LRRC4C: variants seen among roughly 807,000 people sequenced by gnomAD.
The protein encoded by LRRC4C is leucine-rich repeat-containing protein 4C.
In LRRC4C, 5 loss-of-function variants were observed where a neutral mutation model predicts 33.6. The observed-to-expected ratio is 0.15, with a 90% CI of 0.08 to 0.31. The LOEUF is 0.31. Among genes scored for constraint, LRRC4C ranks in the 10% least tolerant of loss-of-function variants. LRRC4C has a pLI of 1.00. For missense variants in LRRC4C, 560 were observed against 796.7 expected (o/e 0.70, Z 3.58); for synonymous variants, 329 against 302.0 (o/e 1.09, Z -0.93).
At position 40,851,072 on chromosome 11, in the gene LRRC4C, G is replaced by A. The variant is rs139693358; in HGVS notation, c.-407+82563C>T. Reference sequence around the variant, plus strand: ...ATCTTAGCTTGCTGAGCTCTGTGGCGGTACGATCCACTGAACAAGAACACT... The same window carrying A: ...ATCTTAGCTTGCTGAGCTCTGTGGCAGTACGATCCACTGAACAAGAACACT... On this transcript the variant is annotated intron_variant, in intron 2 of 6. Transcript: ENST00000528697. 7.2e-5 allele frequency among the ~76,000 whole-genome samples: 11 copies of A among 152,250 alleles called. No homozygotes were observed. The East Asian group carries it at 9.7e-4, about 13-fold the overall frequency.
intron 1 of LRRC4C, among the ~76,000 whole-genome samples, chr11:41,211,644 A>T (rs752084488): frequency 3.2e-4 from 48 of 152,146 alleles, no homozygotes; most frequent in Non-Finnish European, 5.3e-4. Flanking sequence ...CCGTGTCCCT[A>T]CAAAGGACAT....
At chr11:41,310,019 C>T (rs1399982484) in intron 1 of LRRC4C, among the ~76,000 whole-genome samples, 1 of 152,224 alleles carries the variant, frequency 6.6e-6, no homozygotes, top group African/African-American at 2.4e-5. Flanking sequence ...CTATACAGCA[C>T]CTGTCATCCC....
At chr11:40,580,223 G>A (rs1452106533) in intron 3 of LRRC4C, among the ~76,000 whole-genome samples, 1 of 152,100 alleles carries the variant, frequency 6.6e-6, no homozygotes, top group Non-Finnish European at 1.5e-5. Context: ...ACATGGCTGG[G>A]GAGGCCTCAG....
chr11:40,727,906 G>T (rs560522876), intron 2 of LRRC4C, among the ~76,000 whole-genome samples: 13 of 152,066 alleles, frequency 8.5e-5, no homozygotes, highest in Admixed American at 8.5e-4. Context: ...ACAATGAGCC[G>T]AGTGTGATAA....
rs549741387 is a variant in LRRC4C at position 41,129,633 on chromosome 11, T to A, written c.-495-195910A>T. On this transcript the variant is annotated intron_variant, in intron 1 of 6. Coordinates refer to ENST00000528697, the MANE Select transcript of LRRC4C (RefSeq NM_001258419.2). ...TTTTTCCTAAGACCTCTGCCATTAATAAAATCACCTTTTCAAATTCTAATT... is the reference window on the plus strand; with the variant it reads ...TTTTTCCTAAGACCTCTGCCATTAAAAAAATCACCTTTTCAAATTCTAATT... Among the ~76,000 whole-genome samples, 5 of 152,086 alleles carry A rather than the reference T, an allele frequency of 3.3e-5. No individual in the cohort carries two copies. The East Asian group carries it at 9.7e-4, about 29-fold the overall frequency.
At chr11:41,381,730 A>T in intron 1 of LRRC4C, among the ~76,000 whole-genome samples, 1 of 151,976 alleles carries the variant, frequency 6.6e-6, no homozygotes, top group African/African-American at 2.4e-5. Context: ...TTTGGAAATA[A>T]GAAAAACTGA....
At chr11:41,408,589 T>C (rs1194517118) in intron 1 of LRRC4C, among the ~76,000 whole-genome samples, 1 of 152,130 alleles carries the variant, frequency 6.6e-6, no homozygotes, top group African/African-American at 2.4e-5. Context: ...CCCTCTTTCA[T>C]AGGACACAGC....
intron 1 of LRRC4C, among the ~76,000 whole-genome samples, chr11:41,138,884 C>T (rs2135892778): frequency 6.6e-6 from 1 of 152,194 alleles, no homozygotes; most frequent in Non-Finnish European, 1.5e-5. Context: ...ATTAAACTTT[C>T]TTTAAAATTA....
At chr11:40,409,705 T>G (rs992875606) in intron 3 of LRRC4C, among the ~76,000 whole-genome samples, 1 of 151,932 alleles carries the variant, frequency 6.6e-6, no homozygotes, top group African/African-American at 2.4e-5. Flanking sequence ...TCTATTGGAA[T>G]GGCCAACATA....
chr11:41,441,178 G>A (rs1394514222), intron 1 of LRRC4C, among the ~76,000 whole-genome samples: 1 of 152,168 alleles, frequency 6.6e-6, no homozygotes, highest in Non-Finnish European at 1.5e-5. Flanking sequence ...GACTATAACT[G>A]AATATGCTAA....
intron 3 of LRRC4C, among the ~76,000 whole-genome samples, chr11:40,583,860 G>T (rs750233752): frequency 5.3e-5 from 8 of 151,580 alleles, no homozygotes; most frequent in South Asian, 4.2e-4. Context: ...CAAGCAGGAC[G>T]CATAAAGAGA....
chr11:41,430,988 C>T (rs1232407439), intron 1 of LRRC4C, among the ~76,000 whole-genome samples: 1 of 152,006 alleles, frequency 6.6e-6, no homozygotes, highest in African/African-American at 2.4e-5. Flanking sequence ...CTCAACTAAT[C>T]AGAGTGTGTA....
intron 2 of LRRC4C, among the ~76,000 whole-genome samples, chr11:40,777,460 T>C (rs1287390749): frequency 6.6e-6 from 1 of 151,426 alleles, no homozygotes; most frequent in Non-Finnish European, 1.5e-5. Flanking sequence ...AATTAAAACA[T>C]TTATCATTAT....
chr11:41,368,890 G>C (rs1393014273), intron 1 of LRRC4C, among the ~76,000 whole-genome samples: 1 of 152,148 alleles, frequency 6.6e-6, no homozygotes, highest in Non-Finnish European at 1.5e-5. Flanking sequence ...CCCATTTGTA[G>C]ACAGACATGT....
Position 40,711,654 on chromosome 11 carries a change from A to T in LRRC4C, c.-406-63376T>A, listed in dbSNP as rs540929983. Among the ~76,000 whole-genome samples the T allele has an allele frequency of 3.3e-3, 507 of 152,002 alleles. 1 individual carries two copies. Among genetic ancestry groups the T allele is most frequent in the Non-Finnish European group, 5.5e-3 (375 of 67,930 alleles). On this transcript the variant is annotated intron_variant, in intron 2 of 6. Coordinates refer to ENST00000528697, the MANE Select transcript of LRRC4C (RefSeq NM_001258419.2). ...CTAGTTTGCTTGATAGTAGATAGAC[A>T]TGACCTGAATAAAGAACCAGAGAAA...
intron 3 of LRRC4C, among the ~76,000 whole-genome samples, chr11:40,410,171 A>C (rs2137630384): frequency 6.6e-6 from 1 of 152,178 alleles, no homozygotes; most frequent in Admixed American, 6.6e-5. Context: ...TTAGTCTAGA[A>C]ACATGTTGTA....
At chr11:40,791,075 GT>G (rs1332325872) in intron 2 of LRRC4C, among the ~76,000 whole-genome samples, 1 of 152,060 alleles carries the variant, frequency 6.6e-6, no homozygotes, top group African/African-American at 2.4e-5. Flanking sequence ...GAGCTGTTTT[GT>G]TTTTTGTGTT....
At chr11:41,190,238 G>A (rs919564997) in intron 1 of LRRC4C, among the ~76,000 whole-genome samples, 5 of 152,074 alleles carry the variant, frequency 3.3e-5, no homozygotes, top group African/African-American at 9.7e-5. Context: ...GAAGACAGAC[G>A]GAGGACAAGA....
intron 3 of LRRC4C, among the ~76,000 whole-genome samples, chr11:40,528,808 C>T (rs7127962): frequency 0.56 from 85,321 of 151,926 alleles, 24,323 homozygotes; most frequent in East Asian, 0.81. Context: ...TTCAACCTTT[C>T]TAAGGAAGGA....
Sources: gnomAD v4.1 joint callset for allele counts (sites outside exome capture counted in the v4.1 genomes callset) on GRCh38, gnomAD v4.1.1 for gene constraint, MANE v1.5 for transcripts, NCBI Gene and HGNC (gene_info 2026-07-23, HGNC 2026-07-21) for gene names.